DNAH11: variants seen among roughly 807,000 people sequenced by gnomAD.
The protein encoded by DNAH11 is dynein axonemal heavy chain 11, also known as axonemal beta dynein heavy chain 11.
Under a neutral mutation model 526.0 loss-of-function variants are expected in DNAH11, and 442 were observed. The observed-to-expected ratio is 0.84, with a 90% CI of 0.78 to 0.91. DNAH11 has a LOEUF of 0.91. DNAH11 is among the 40% of genes least tolerant of loss of function. DNAH11 has a pLI of 0.00. For synonymous variants in DNAH11, 2,461 were observed against 1,935.9 expected (o/e 1.27, Z -7.12); for missense variants, 6,989 against 5,448.7 (o/e 1.28, Z -8.90).
chr7:21,879,605 C>T (rs1442272107), intron 74 of DNAH11, among the ~76,000 whole-genome samples: 1 of 152,116 alleles, frequency 6.6e-6, no homozygotes, highest in African/African-American at 2.4e-5. Flanking sequence ...AAGGTACAGG[C>T]TAAGCTGCTG....
chr7:21,661,273 T>G (rs1782232882), intron 30 of DNAH11, among the ~76,000 whole-genome samples: 1 of 152,104 alleles, frequency 6.6e-6, no homozygotes, highest in African/African-American at 2.4e-5. Context: ...TGCTCATTTT[T>G]TATTTATTTT....
intron 57 of DNAH11, among the ~76,000 whole-genome samples, chr7:21,783,982 T>C (rs566259682): frequency 2.6e-5 from 4 of 152,318 alleles, no homozygotes; most frequent in South Asian, 2.1e-4. Context: ...TCTTTAGGAA[T>C]AGCCAACATG....
At chr7:21,742,758 A>C (rs900327051) in intron 49 of DNAH11, among the ~76,000 whole-genome samples, 16 of 152,324 alleles carry the variant, frequency 1.1e-4, no homozygotes, top group Middle Eastern at 6.8e-3. Flanking sequence ...TGGCAGGTTT[A>C]TTATTTCCAT....
At chr7:21,627,594 A>T (rs1291335382) in intron 25 of DNAH11, among the ~76,000 whole-genome samples, 1 of 151,988 alleles carries the variant, frequency 6.6e-6, no homozygotes, top group Non-Finnish European at 1.5e-5. Flanking sequence ...CTGTAAATGT[A>T]TGGGTTTATA....
chr7:21,572,877 T>A (rs553874727), intron 8 of DNAH11, among the ~76,000 whole-genome samples: 2 of 152,288 alleles, frequency 1.3e-5, no homozygotes, highest in East Asian at 3.9e-4. Context: ...CCTAGGATCA[T>A]GGTGATGAAT....
rs573343974 is a variant in DNAH11, at chr7:21,847,519, G to A, written c.10896+4771G>A. On this transcript the variant is annotated intron_variant, in intron 66 of 81. Transcript: ENST00000409508. ...AAGCGTTCTGTTACTGATTTCTTAC[G>A]TAATTTTGTTGTGGTCTGGAACATA... 2.6e-4 allele frequency among the ~76,000 whole-genome samples: 39 copies of A among 152,176 alleles called. No homozygotes were observed. The Middle Eastern group carries it at 0.014, about 53-fold the overall frequency.
intron 41 of DNAH11, 59 bp from the exon 42 acceptor site, chr7:21,711,653 C>T: frequency 1.9e-6 from 3 of 1,576,856 alleles, no homozygotes; most frequent in East Asian, 2.2e-5. Flanking sequence ...GTACTTGTTG[C>T]TTCTGGATGT....
At chr7:21,774,233 A>C (rs1394786569) in intron 56 of DNAH11, among the ~76,000 whole-genome samples, 1 of 152,138 alleles carries the variant, frequency 6.6e-6, no homozygotes, top group Non-Finnish European at 1.5e-5. Flanking sequence ...AGTGTAAGGT[A>C]GTGTGGGATA....
intron 75 of DNAH11, among the ~76,000 whole-genome samples, chr7:21,881,303 C>A (rs1004554697): frequency 6.6e-6 from 1 of 152,216 alleles, no homozygotes; most frequent in Non-Finnish European, 1.5e-5. Flanking sequence ...ATGATGGAAG[C>A]AATTTACAGC....
chr7:21,612,093 A>G (rs1181758050), intron 20 of DNAH11, among the ~76,000 whole-genome samples: 1 of 152,240 alleles, frequency 6.6e-6, no homozygotes. Flanking sequence ...ATAGAGCACT[A>G]TTAATAAGAA....
rs1218242354 is a variant in DNAH11, at chr7:21,570,122, A to T, written c.1248A>T (p.Ser416=). 6.2e-7 allele frequency: 1 copy of T among 1,612,850 alleles called. No individual in the cohort carries two copies. The highest frequency in any genetic ancestry group is 1.3e-5 in the African/African-American group (1 of 74,908). ...TTTTGAGGGGAGAAATAGAAGAGTC[A>T]CTGGAAAAGGTGCAGGTGGCTGTTA... ...EDLLRGEIEE[S]LEKVQVAVNI... Residue 416 remains serine (S), a synonymous_variant, in exon 7 of 82, where the codon TCA becomes TCT. Transcript: ENST00000409508.
At chr7:21,584,785 CATT>C (rs1314071789) in intron 9 of DNAH11, among the ~76,000 whole-genome samples, 1 of 152,052 alleles carries the variant, frequency 6.6e-6, no homozygotes, top group African/African-American at 2.4e-5. Flanking sequence ...ACAAAAATGA[CATT>C]ATATTTTAAT....
intron 71 of DNAH11, among the ~76,000 whole-genome samples, chr7:21,867,165 C>T (rs1334544506): frequency 6.6e-6 from 1 of 152,088 alleles, no homozygotes; most frequent in African/African-American, 2.4e-5. Context: ...TTTTCTTTGC[C>T]CTCTTGGCTT....
At chr7:21,857,460 G>C (rs2893059) in intron 68 of DNAH11, among the ~76,000 whole-genome samples, 9,158 of 151,852 alleles carry the variant, frequency 0.06, 410 homozygotes, top group East Asian at 0.25. Context: ...CCTTTTGGTA[G>C]AAATTGGCAA....
chr7:21,761,277 A>C (rs1202108778), intron 54 of DNAH11, among the ~76,000 whole-genome samples: 4 of 152,216 alleles, frequency 2.6e-5, no homozygotes, highest in Non-Finnish European at 5.9e-5. Flanking sequence ...CTGCACTTTC[A>C]AGGCTAGCGT....
At chr7:21,589,131 T>A (rs572113516) in intron 11 of DNAH11, 77 bp from the exon 12 acceptor site, 179 of 1,105,124 alleles carry the variant, frequency 1.6e-4, no homozygotes, top group Non-Finnish European at 1.5e-4. Context: ...ATTTTATATA[T>A]TGTATTACTA....
intron 65 of DNAH11, among the ~76,000 whole-genome samples, chr7:21,830,195 T>C (rs1274440862): frequency 6.6e-6 from 1 of 152,206 alleles, no homozygotes; most frequent in Non-Finnish European, 1.5e-5. Flanking sequence ...GCAAACATTT[T>C]GGCACACTTA....
chr7:21,669,642 A>C (rs1243145726), intron 30 of DNAH11, among the ~76,000 whole-genome samples: 4 of 142,224 alleles, frequency 2.8e-5, no homozygotes, highest in Non-Finnish European at 6.1e-5. Context: ...TGTCTTTTTA[A>C]AAATGTTTTT....
chr7:21,594,095 C>CAT, intron 14 of DNAH11, among the ~76,000 whole-genome samples: 1 of 149,610 alleles, frequency 6.7e-6, no homozygotes, highest in Admixed American at 6.6e-5. Context: ...CACACACACA[C>CAT]ACACTCTGAA....
Sources: allele counts gnomAD v4.1 joint callset (sites outside exome capture counted in the v4.1 genomes callset), GRCh38; gene constraint gnomAD v4.1.1; transcripts MANE v1.5; gene names NCBI Gene and HGNC (gene_info 2026-07-23, HGNC 2026-07-21).